RABGGTB: variants seen among roughly 807,000 people sequenced by gnomAD.
The protein encoded by RABGGTB is geranylgeranyl transferase type-2 subunit beta.
RABGGTB carries 20 observed loss-of-function variants against 44.5 expected under a neutral mutation model. The ratio of observed to expected loss-of-function variants is 0.45; its 90% confidence interval spans 0.32 to 0.65. The LOEUF is 0.65. Among genes scored for constraint, RABGGTB ranks in the 30% least tolerant of loss-of-function variants. The pLI is 0.05. For missense variants in RABGGTB, 302 were observed against 398.7 expected (o/e 0.76, Z 2.06); for synonymous variants, 128 against 136.7 (o/e 0.94, Z 0.44).
At position 75,795,043 on chromosome 1, in the gene RABGGTB, T is replaced by G; in HGVS notation, c.*393T>G. 1 of 274,240 alleles carries G rather than the reference T, an allele frequency of 3.6e-6. No homozygotes were observed. Among genetic ancestry groups the G allele is most frequent in the Non-Finnish European group, 7.2e-6 (1 of 139,232 alleles). 17.0% of individuals were successfully genotyped at this position (274,240 alleles called of 1,614,324 possible). On this transcript the variant is annotated 3_prime_UTR_variant, in exon 9 of 9. Coordinates refer to ENST00000319942, the MANE Select transcript of RABGGTB (RefSeq NM_004582.4). Reference sequence around the variant, plus strand: ...AAAGTGGATAGAACCCATACATGAATTAAATGATGCACAAAATAAATGGCT... The same window carrying G: ...AAAGTGGATAGAACCCATACATGAAGTAAATGATGCACAAAATAAATGGCT...
chr1:75,786,359 T>C, intron 1 of RABGGTB, 85 bp downstream of exon 1: 1 of 1,561,548 alleles, frequency 6.4e-7, no homozygotes, highest in Non-Finnish European at 8.8e-7. Context: ...CACCTTAGGA[T>C]TGGTTTCCTG....
chr1:75,793,979 T>A, intron 7 of RABGGTB, 105 bp from the exon 8 acceptor site: 1 of 1,165,410 alleles, frequency 8.6e-7, no homozygotes, highest in Admixed American at 2.5e-5. Context: ...TTTGACACTT[T>A]GAACATCAGA....
chr1:75,792,685 G>A (rs1330807666), intron 7 of RABGGTB, among the ~76,000 whole-genome samples: 3 of 151,796 alleles, frequency 2.0e-5, no homozygotes, highest in Non-Finnish European at 4.4e-5. Flanking sequence ...CCACATAATA[G>A]GTCTCTCTTA....
chr1:75,793,805 CAA>C, intron 7 of RABGGTB: 1 of 301,498 alleles, frequency 3.3e-6, no homozygotes. Flanking sequence ...CAGATAGAAA[CAA>C]AGCAGATGCA....
At chr1:75,791,390 T>A (rs79811121) in intron 5 of RABGGTB, 53 bp downstream of exon 5, 2 of 795,896 alleles carry the variant, frequency 2.5e-6, no homozygotes, top group Non-Finnish European at 3.6e-6. Context: ...TACTCTGGAA[T>A]TTTTTTTTTT....
At chr1:75,789,013 G>A (rs543195556) in intron 2 of RABGGTB, 146 bp from the exon 3 acceptor site, 66 of 664,408 alleles carry the variant, frequency 9.9e-5, no homozygotes, top group Non-Finnish European at 1.5e-4. Context: ...GAGCAGCACA[G>A]ATTTTAAACT....
chr1:75,786,353 T>C, intron 1 of RABGGTB, 79 bp downstream of exon 1: 31 of 1,567,148 alleles, frequency 2.0e-5, no homozygotes, highest in Non-Finnish European at 2.7e-5. Context: ...ACTGGTCACC[T>C]TAGGATTGGT....
intron 5 of RABGGTB, 34 bp downstream of exon 5, chr1:75,791,371 G>C (rs772176595): frequency 5.0e-6 from 8 of 1,590,298 alleles, no homozygotes; most frequent in Non-Finnish European, 6.9e-6. Context: ...AATGATTAAA[G>C]TTCATGAATA....
intron 3 of RABGGTB, 79 bp from the exon 4 acceptor site, chr1:75,789,873 C>G: frequency 9.4e-7 from 1 of 1,066,730 alleles, no homozygotes; most frequent in Non-Finnish European, 1.4e-6. Context: ...ATGTGCTTGA[C>G]AACTTAAAAA....
At chr1:75,787,454 T>C (rs1287056745) in intron 1 of RABGGTB, 43 bp from the exon 2 acceptor site, 1 of 1,412,754 alleles carries the variant, frequency 7.1e-7, no homozygotes, top group East Asian at 2.3e-5. Flanking sequence ...AGAAGAACGT[T>C]GTAGAGGTAA....
intron 7 of RABGGTB, chr1:75,793,532 C>G: frequency 6.6e-6 from 1 of 152,424 alleles, no homozygotes; most frequent in East Asian, 1.9e-4. Flanking sequence ...TGGGGAGCAC[C>G]GGGACCTGCA....
chr1:75,789,794 A>G, intron 3 of RABGGTB, 158 bp from the exon 4 acceptor site: 2 of 611,190 alleles, frequency 3.3e-6, no homozygotes, highest in South Asian at 2.1e-5. Flanking sequence ...TCTTGATACT[A>G]TCTAATTTTA....
chr1:75,793,012 C>A (rs1037717671), intron 7 of RABGGTB, among the ~76,000 whole-genome samples: 2 of 152,178 alleles, frequency 1.3e-5, no homozygotes, highest in African/African-American at 4.8e-5. Flanking sequence ...CGGGGTTTCA[C>A]CATATTGGCC....
intron 1 of RABGGTB, chr1:75,787,049 G>C (rs1649508014): frequency 1.9e-6 from 1 of 516,954 alleles, no homozygotes; most frequent in Non-Finnish European, 3.8e-6. Flanking sequence ...TGAACAACAA[G>C]AAATGCTGGT....
At chr1:75,792,414 C>T (rs905284773) in intron 7 of RABGGTB, 108 bp downstream of exon 7, 127 of 1,447,250 alleles carry the variant, frequency 8.8e-5, no homozygotes, top group Middle Eastern at 5.5e-4. Context: ...TTATTTATTA[C>T]CTTTCCCTGT....
intron 4 of RABGGTB, chr1:75,790,497 A>G: frequency 9.8e-7 from 1 of 1,021,986 alleles, no homozygotes; most frequent in Non-Finnish European, 1.2e-6. Flanking sequence ...GGATGTGAAA[A>G]ATCTACTTTT....
chr1:75,789,618 G>T (rs1378967526), intron 3 of RABGGTB: 1 of 663,554 alleles, frequency 1.5e-6, no homozygotes, highest in African/African-American at 1.8e-5. Context: ...ATTTGATTTT[G>T]ATATTAGTGA....
chr1:75,791,748 C>G (rs969338979), intron 6 of RABGGTB, 177 bp downstream of exon 6: 4 of 582,216 alleles, frequency 6.9e-6, no homozygotes, highest in Middle Eastern at 4.6e-4. Context: ...ATACTATATA[C>G]CTTTCTCTGT....
Position 75,794,879 on chromosome 1 carries a change from C to A in RABGGTB, c.*229C>A, listed in dbSNP as rs1252892598. 4.5e-6 allele frequency: 1 copy of A among 223,274 alleles called. No individual in the cohort carries two copies. The highest frequency in any genetic ancestry group is 2.3e-5 in the African/African-American group (1 of 43,116). 13.8% of individuals were successfully genotyped at this position (223,274 alleles called of 1,614,324 possible). A position where few individuals can be genotyped will look rare whatever the true frequency, so the allele number is the denominator to read the frequency against. On this transcript the variant is annotated 3_prime_UTR_variant, in exon 9 of 9. Coordinates refer to ENST00000319942, the MANE Select transcript of RABGGTB (RefSeq NM_004582.4). ...TGACTACAGTTCTTTGTGTATACTT[C>A]TGTGTCTGTTATGTTCAATAACTGA...
Sources: gnomAD v4.1 joint callset for allele counts (sites outside exome capture counted in the v4.1 genomes callset) on GRCh38, gnomAD v4.1.1 for gene constraint, MANE v1.5 for transcripts, NCBI Gene and HGNC (gene_info 2026-07-23, HGNC 2026-07-21) for gene names.